KLHL18: variants seen among roughly 807,000 people sequenced by gnomAD.
The protein encoded by KLHL18 is kelch like family member 18.
In KLHL18, 38 loss-of-function variants were observed where a neutral mutation model predicts 58.5. The ratio of observed to expected loss-of-function variants is 0.65; its 90% CI spans 0.50 to 0.85. The LOEUF is 0.85. KLHL18 is among the 40% of genes least tolerant of loss of function. The pLI is 0.00. For missense variants in KLHL18, 624 were observed against 778.4 expected (o/e 0.80, Z 2.36); for synonymous variants, 303 against 301.9 (o/e 1.00, Z -0.04).
At chr3:47,309,303 G>A (rs1290558451) in intron 1 of KLHL18, among the ~76,000 whole-genome samples, 1 of 151,980 alleles carries the variant, frequency 6.6e-6, no homozygotes. Flanking sequence ...CAGACGGGGC[G>A]GCGGCCGGGC....
chr3:47,343,679 C>T lies in KLHL18; in HGVS notation c.1463C>T (p.Ser488Phe). The change falls in exon 10 of 10, where the codon TCT (serine) becomes TTT (phenylalanine). Residue 488 changes from serine (S) to phenylalanine (F), a missense_variant. Transcript: ENST00000232766. ...TTTGTCTGCGGGGGCTACGATGGCT[C>T]TGGCTTCCTCAGCATTGCCGAGATG... The part of the protein sequence containing the change: ...KMFVCGGYDG[S>F]GFLSIAEMYS... 6.2e-7 allele frequency: 1 copy of T among 1,614,168 alleles called. No homozygotes were observed. The highest frequency in any genetic ancestry group is 8.5e-7 in the Non-Finnish European group (1 of 1,180,050).
chr3:47,322,820 G>A, intron 3 of KLHL18, 112 bp downstream of exon 3: 1 of 1,048,240 alleles, frequency 9.5e-7, no homozygotes, highest in Non-Finnish European at 1.3e-6. Flanking sequence ...GGAGTGAGCT[G>A]GAAAGGTTAT....
At chr3:47,285,040 C>T (rs1410350008) in intron 1 of KLHL18, among the ~76,000 whole-genome samples, 1 of 151,912 alleles carries the variant, frequency 6.6e-6, no homozygotes, top group African/African-American at 2.4e-5. Flanking sequence ...CCAGACTGCT[C>T]CTGACCTCGT....
At chr3:47,287,520 C>G (rs938900438) in intron 1 of KLHL18, 1 of 151,650 alleles carries the variant, frequency 6.6e-6, no homozygotes, top group Non-Finnish European at 1.5e-5. Flanking sequence ...GAGTCTTGCT[C>G]TGTTGTCCAG....
rs1222649430 is a variant in KLHL18 at position 47,342,705 on chromosome 3, ACT to A, written c.1227-11_1227-10del. 5.0e-6 allele frequency: 8 copies of A among 1,609,828 alleles called. No individual in the cohort carries two copies. Among genetic ancestry groups the A allele is most frequent in the Non-Finnish European group, 6.8e-6 (8 of 1,176,624 alleles). ...ATCTCATGCTTCCCCTCCTATTTTG[ACT>A]CTTTCCTGAAGATGGACAGTGGTGA... On this transcript the variant is annotated splice_polypyrimidine_tract_variant and intron_variant, in intron 8 of 9. Transcript: ENST00000232766.
chr3:47,332,947 A>G (rs1347591702), intron 4 of KLHL18, among the ~76,000 whole-genome samples: 2 of 152,196 alleles, frequency 1.3e-5, no homozygotes, highest in Non-Finnish European at 2.9e-5. Flanking sequence ...ATTTTTCACT[A>G]GGAAATCATA....
At chr3:47,315,960 A>G (rs1385566465) in intron 1 of KLHL18, among the ~76,000 whole-genome samples, 1 of 152,178 alleles carries the variant, frequency 6.6e-6, no homozygotes. Context: ...ACACAGAAAG[A>G]TTGTAAGATA....
chr3:47,300,633 G>C (rs1486124487), intron 1 of KLHL18, among the ~76,000 whole-genome samples: 2 of 15,422 alleles, frequency 1.3e-4, no homozygotes, highest in Admixed American at 2.4e-3. Flanking sequence ...ATCTCATTGT[G>C]ATTCTTTTTT....
intron 1 of KLHL18, among the ~76,000 whole-genome samples, chr3:47,287,791 ATATATT>A (rs1293544314): frequency 6.6e-6 from 1 of 152,112 alleles, no homozygotes; most frequent in Non-Finnish European, 1.5e-5. Context: ...GGCCAGTAGT[ATATATT>A]TATTAATAAT....
intron 1 of KLHL18, among the ~76,000 whole-genome samples, chr3:47,302,130 ATTATG>A (rs1160106147): frequency 1.3e-5 from 2 of 152,182 alleles, no homozygotes; most frequent in African/African-American, 4.8e-5. Context: ...TGTTATGTGT[ATTATG>A]TTATGTGTTA....
At chr3:47,296,959 C>A (rs555608888) in intron 1 of KLHL18, among the ~76,000 whole-genome samples, 1 of 152,202 alleles carries the variant, frequency 6.6e-6, no homozygotes, top group Non-Finnish European at 1.5e-5. Flanking sequence ...GCCCACTTCT[C>A]TCCCTTCCTC....
At chr3:47,325,990 C>T (rs1703710415) in intron 3 of KLHL18, among the ~76,000 whole-genome samples, 1 of 151,998 alleles carries the variant, frequency 6.6e-6, no homozygotes. Context: ...CTCTGTCGCC[C>T]AGGCAGGAAT....
chr3:47,318,348 C>G (rs1350516941), intron 1 of KLHL18, among the ~76,000 whole-genome samples: 1 of 152,156 alleles, frequency 6.6e-6, no homozygotes, highest in Non-Finnish European at 1.5e-5. Context: ...TTCATATGGG[C>G]CTCTCTTAAG....
intron 1 of KLHL18, among the ~76,000 whole-genome samples, chr3:47,300,268 T>G (rs1047128221): frequency 7.0e-6 from 1 of 142,166 alleles, no homozygotes; most frequent in Non-Finnish European, 1.5e-5. Flanking sequence ...CCCAATTCTT[T>G]TGCATCCTCA....
chr3:47,296,505 T>TTATG (rs1168073564), intron 1 of KLHL18, among the ~76,000 whole-genome samples: 2 of 152,266 alleles, frequency 1.3e-5, no homozygotes, highest in Non-Finnish European at 2.9e-5. Flanking sequence ...GGAAGATAGA[T>TTATG]TATGCATCAA....
intron 3 of KLHL18, among the ~76,000 whole-genome samples, chr3:47,328,624 G>T (rs1703780737): frequency 6.6e-6 from 1 of 152,096 alleles, no homozygotes; most frequent in Non-Finnish European, 1.5e-5. Flanking sequence ...CAAGAGTCCT[G>T]ATTTCAATCT....
chr3:47,322,501 G>A, intron 2 of KLHL18, 67 bp from the exon 3 acceptor site: 1 of 1,461,334 alleles, frequency 6.8e-7, no homozygotes, highest in Non-Finnish European at 9.1e-7. Flanking sequence ...TTCAGTTAGG[G>A]CCTGAGTCTC....
intron 3 of KLHL18, among the ~76,000 whole-genome samples, chr3:47,324,694 C>G (rs1703674949): frequency 6.6e-6 from 1 of 151,896 alleles, no homozygotes; most frequent in African/African-American, 2.4e-5. Flanking sequence ...TTTAATTAGT[C>G]AAGTGCAGTG....
chr3:47,297,978 A>G (rs1702931321), intron 1 of KLHL18, among the ~76,000 whole-genome samples: 2 of 152,196 alleles, frequency 1.3e-5, no homozygotes, highest in South Asian at 4.1e-4. Flanking sequence ...AAGGATGAGG[A>G]ATAATTCACT....
Sources: allele counts gnomAD v4.1 joint callset (sites outside exome capture counted in the v4.1 genomes callset), GRCh38; gene constraint gnomAD v4.1.1; transcripts MANE v1.5; gene names NCBI Gene and HGNC (gene_info 2026-07-23, HGNC 2026-07-21).